Variants in SPTA1 observed in about 807,000 individuals in gnomAD.
The protein encoded by SPTA1 is spectrin alpha, erythrocytic 1.
SPTA1 carries 177 observed loss-of-function variants against 324.7 expected under a neutral mutation model. The observed-to-expected ratio is 0.55, with a 90% CI of 0.48 to 0.62. The LOEUF (loss-of-function observed/expected upper bound fraction) is 0.62. SPTA1 is among the 20% of genes least tolerant of loss of function. SPTA1 has a pLI of 0.00. For synonymous variants in SPTA1, 1,195 were observed against 1,041.3 expected, an observed-to-expected ratio of 1.15 and a Z score of -2.84; for missense variants, 3,162 against 2,883.6, an observed-to-expected ratio of 1.10 and a Z score of -2.21.
At position 158,666,477 on chromosome 1, in the gene SPTA1, T is replaced by C. The variant is rs1480257748; in HGVS notation, c.2059A>G (p.Asn687Asp). 6.2e-7 allele frequency: 1 copy of C among 1,610,232 alleles called. No individual in the cohort carries two copies. Among genetic ancestry groups the C allele is most frequent in the Non-Finnish European group, 8.5e-7 (1 of 1,179,962 alleles). ...TTATTTTCAAATTGCAGCTGCTGGT[T>C]GGCCTCATGCAACTGGGTCCCTGGG... ...KQKGTQLHEA[N>D]QQLQFENNAE... Residue 687 changes from asparagine to aspartate, a missense_variant, in exon 16 of 52, where the codon AAC becomes GAC. Asn to Asp is a conservative substitution (Grantham distance 23). Transcript: ENST00000643759.
chr1:158,672,669 C>A (rs1458857245), intron 10 of SPTA1, among the ~76,000 whole-genome samples: 1 of 152,030 alleles, frequency 6.6e-6, no homozygotes, highest in African/African-American at 2.4e-5. Context: ...ATTTTATTCC[C>A]AAAACAAATA....
intron 24 of SPTA1, among the ~76,000 whole-genome samples, chr1:158,650,709 G>C (rs1652360505): frequency 6.6e-6 from 1 of 152,152 alleles, no homozygotes; most frequent in Non-Finnish European, 1.5e-5. Flanking sequence ...GTGAAAGAGA[G>C]GTGAGTATGT....
At chr1:158,636,828 T>G in intron 36 of SPTA1, 67 bp from the exon 37 acceptor site, 1 of 1,608,526 alleles carries the variant, frequency 6.2e-7, no homozygotes, top group Non-Finnish European at 8.5e-7. Flanking sequence ...CAGCAATAGC[T>G]TTCTATGACT....
intron 2 of SPTA1, among the ~76,000 whole-genome samples, chr1:158,684,846 C>A (rs1455255516): frequency 6.6e-5 from 10 of 152,102 alleles, no homozygotes; most frequent in African/African-American, 2.4e-4. Flanking sequence ...CAGTTCTGTG[C>A]TTTCAACAAC....
chr1:158,666,597 A>C, intron 15 of SPTA1, 100 bp from the exon 16 acceptor site: 1 of 1,056,036 alleles, frequency 9.5e-7, no homozygotes, highest in Admixed American at 2.0e-5. Flanking sequence ...ATAGTATTTT[A>C]ATATTGCAAA....
chr1:158,641,601 C>A (rs1371201951), intron 33 of SPTA1, among the ~76,000 whole-genome samples: 1 of 152,082 alleles, frequency 6.6e-6, no homozygotes, highest in Admixed American at 6.6e-5. Context: ...AAATCAAAAC[C>A]ACAATGAGAT....
Position 158,653,440 on chromosome 1 carries a change from G to T in SPTA1, c.3037-15C>A, listed in dbSNP as rs1025534155. On this transcript the variant is annotated splice_polypyrimidine_tract_variant and intron_variant, in intron 21 of 51. Transcript: ENST00000643759. Reference sequence around the variant, plus strand: ...TTCCACCAGTCCTGAAGGGAGAGCAGATCCCCACTCCGTCATTAATTCTTG... The same window carrying T: ...TTCCACCAGTCCTGAAGGGAGAGCATATCCCCACTCCGTCATTAATTCTTG... 9.9e-6 allele frequency: 16 copies of T among 1,613,706 alleles called. No homozygotes were observed. Among genetic ancestry groups the T allele is most frequent in the East Asian group, 8.9e-5 (4 of 44,870 alleles).
Position 158,619,370 on chromosome 1 carries a change from C to T in SPTA1, c.6418-36G>A, listed in dbSNP as rs112185395. 1.7e-3 allele frequency: 2,649 copies of T among 1,601,426 alleles called. 36 individuals are homozygous for T. The African/African-American group carries it at 0.031, about 19-fold the overall frequency. ...AAATCACAGACAACGTGACTGACATCGAAGGCCTTTCTTTGCCATAAGAGA... is the reference window on the plus strand; with the variant it reads ...AAATCACAGACAACGTGACTGACATTGAAGGCCTTTCTTTGCCATAAGAGA... On this transcript the variant is annotated intron_variant, in intron 44 of 51. Transcript: ENST00000643759.
chr1:158,648,908 T>C (rs1039108283), intron 25 of SPTA1, among the ~76,000 whole-genome samples: 1 of 152,142 alleles, frequency 6.6e-6, no homozygotes, highest in Admixed American at 6.6e-5. Flanking sequence ...AGGGTAAGTA[T>C]TTTCTCAAGA....
At chr1:158,624,850 A>G (rs953605529) in intron 42 of SPTA1, among the ~76,000 whole-genome samples, 2 of 152,236 alleles carry the variant, frequency 1.3e-5, no homozygotes, top group African/African-American at 4.8e-5. Flanking sequence ...TGCTGACTTC[A>G]GGACCCATCA....
chr1:158,623,711 G>A (rs867131428), intron 42 of SPTA1, among the ~76,000 whole-genome samples: 26 of 152,286 alleles, frequency 1.7e-4, no homozygotes, highest in African/African-American at 4.6e-4. Context: ...GCTAAAATAC[G>A]TCAATTAAAC....
chr1:158,636,561 G>A (rs1035210705), intron 37 of SPTA1, 80 bp downstream of exon 37: 1 of 1,521,578 alleles, frequency 6.6e-7, no homozygotes, highest in Non-Finnish European at 9.1e-7. Context: ...ACGTTTTGTA[G>A]CACCCTCTTA....
Position 158,683,378 on chromosome 1 carries a change from T to A in SPTA1, c.383A>T (p.Glu128Val). The change falls in exon 3 of 52, where the codon GAA becomes GTA. Residue 128 changes from glutamate to valine, a missense_variant. Transcript: ENST00000643759. ...RFTMGHSAHE[E>V]TKAHIEELRH... The stretch of plus-strand genomic sequence containing the variant: ...AAGGGCCCATACATATACCTTCGTT[T>A]CTTCGTGGGCAGAATGACCCATGGT... 1 of 1,613,300 alleles carries A rather than the reference T, an allele frequency of 6.2e-7. No individual in the cohort carries two copies. Among genetic ancestry groups the A allele is most frequent in the Non-Finnish European group, 8.5e-7 (1 of 1,179,414 alleles).
intron 36 of SPTA1, 107 bp downstream of exon 36, chr1:158,637,926 T>C: frequency 7.8e-7 from 1 of 1,289,028 alleles, no homozygotes; most frequent in South Asian, 1.2e-5. Context: ...AGTAGTGCTA[T>C]CTTCAAGAAA....
At chr1:158,653,717 G>A (rs1005865374) in intron 21 of SPTA1, among the ~76,000 whole-genome samples, 9 of 152,120 alleles carry the variant, frequency 5.9e-5, no homozygotes, top group Non-Finnish European at 1.3e-4. Flanking sequence ...TTGTTCATGA[G>A]GAATTTACAA....
chr1:158,613,293 T>C (rs1649365265), intron 50 of SPTA1, among the ~76,000 whole-genome samples: 1 of 152,176 alleles, frequency 6.6e-6, no homozygotes, highest in Admixed American at 6.5e-5. Context: ...CTTTGGTTTT[T>C]AGTATTAGCA....
At chr1:158,662,033 ACTTT>A (rs1187763760) in intron 17 of SPTA1, among the ~76,000 whole-genome samples, 3 of 152,010 alleles carry the variant, frequency 2.0e-5, no homozygotes, top group African/African-American at 7.3e-5. Flanking sequence ...TTCCCTCTAA[ACTTT>A]CTTTCTTACT....
chr1:158,673,741 A>G (rs200403654), intron 10 of SPTA1, among the ~76,000 whole-genome samples: 1 of 152,142 alleles, frequency 6.6e-6, no homozygotes, highest in East Asian at 1.9e-4. Context: ...GCAAAATGGA[A>G]TGGAGGTTTC....
intron 47 of SPTA1, among the ~76,000 whole-genome samples, chr1:158,616,202 A>G (rs915992573): frequency 2.0e-5 from 3 of 152,176 alleles, no homozygotes; most frequent in African/African-American, 4.8e-5. Context: ...TCAAATCAGT[A>G]TATGTTGGAT....
Sources: allele counts gnomAD v4.1 joint callset (sites outside exome capture counted in the v4.1 genomes callset), GRCh38; gene constraint gnomAD v4.1.1; transcripts MANE v1.5; gene names NCBI Gene and HGNC (gene_info 2026-07-23, HGNC 2026-07-21).